Variants in PAPPA observed in about 807,000 individuals in gnomAD.
The protein encoded by PAPPA is pappalysin 1.
In PAPPA, 60 loss-of-function variants were observed where a neutral mutation model predicts 164.0. That is an observed-to-expected ratio of 0.37 (90% CI 0.30 to 0.45). The LOEUF is 0.45. Ranked by LOEUF, PAPPA falls within the 20% of genes least tolerant of loss-of-function variation. The pLI, the probability that PAPPA is intolerant of heterozygous loss-of-function variation, is 1.00. For synonymous variants in PAPPA, 875 were observed against 814.1 expected, an observed-to-expected ratio of 1.07 and a Z score of -1.27; for missense variants, 1,782 against 2,087.3, an observed-to-expected ratio of 0.85 and a Z score of 2.85.
chr9:116,165,392 G>A (rs1450044261), intron 1 of PAPPA, among the ~76,000 whole-genome samples: 1 of 152,114 alleles, frequency 6.6e-6, no homozygotes, highest in African/African-American at 2.4e-5. Context: ...CCTCATCTTG[G>A]TTGGTGTCAC....
intron 7 of PAPPA, among the ~76,000 whole-genome samples, chr9:116,250,169 A>G (rs1189953283): frequency 1.3e-5 from 2 of 152,110 alleles, no homozygotes; most frequent in Non-Finnish European, 2.9e-5. Context: ...AATCTTCCAT[A>G]GAACTAATAC....
intron 7 of PAPPA, among the ~76,000 whole-genome samples, chr9:116,241,095 G>A (rs1645042745): frequency 6.6e-6 from 1 of 152,116 alleles, no homozygotes; most frequent in Non-Finnish European, 1.5e-5. Flanking sequence ...ATTCTTGTGA[G>A]TCCAAATTTT....
At chr9:116,283,843 C>T (rs577549335) in intron 9 of PAPPA, among the ~76,000 whole-genome samples, 2 of 151,958 alleles carry the variant, frequency 1.3e-5, no homozygotes, top group Non-Finnish European at 1.5e-5. Context: ...CCATTTGTCC[C>T]GTGTGCATTT....
At chr9:116,212,733 G>T (rs577476556) in intron 4 of PAPPA, among the ~76,000 whole-genome samples, 1 of 152,128 alleles carries the variant, frequency 6.6e-6, no homozygotes, top group Non-Finnish European at 1.5e-5. Context: ...AAGAAGTAAA[G>T]AAAGAAAGGG....
chr9:116,203,414 A>G (rs1196487659), intron 2 of PAPPA, among the ~76,000 whole-genome samples: 5 of 152,158 alleles, frequency 3.3e-5, no homozygotes, highest in Non-Finnish European at 7.3e-5. Context: ...TGATACGGAG[A>G]TAATAAAGAT....
intron 18 of PAPPA, 48 bp downstream of exon 18, chr9:116,362,787 G>A: frequency 6.3e-7 from 1 of 1,577,802 alleles, no homozygotes; most frequent in Non-Finnish European, 8.6e-7. Flanking sequence ...ATTCCTTCCA[G>A]CAATGCAGGG....
chr9:116,193,294 G>T lies in PAPPA; in HGVS notation c.1478+5078G>T, dbSNP rs576391054. ...CCCTCTGCTGGCAGCTATAGCCCCCGTTAGCCTCTTCCCCTGCTCTAATCA... is the reference window on the plus strand; with the variant it reads ...CCCTCTGCTGGCAGCTATAGCCCCCTTTAGCCTCTTCCCCTGCTCTAATCA... On this transcript the variant is annotated intron_variant, in intron 2 of 21. Coordinates refer to ENST00000328252, the MANE Select transcript of PAPPA (RefSeq NM_002581.5). Among the ~76,000 whole-genome samples the T allele has an allele frequency of 8.5e-5, 13 of 152,154 alleles. No homozygotes were observed. In the East Asian group the frequency reaches 2.5e-3, roughly 29 times the overall value.
chr9:116,223,120 G>A (rs1246531456), intron 5 of PAPPA, among the ~76,000 whole-genome samples: 1 of 152,196 alleles, frequency 6.6e-6, no homozygotes, highest in Non-Finnish European at 1.5e-5. Context: ...CATCAGGGAA[G>A]GAAATGCACT....
intron 15 of PAPPA, among the ~76,000 whole-genome samples, chr9:116,349,127 C>G (rs565689921): frequency 1.3e-5 from 2 of 148,388 alleles, no homozygotes; most frequent in South Asian, 4.4e-4. Context: ...CCAAGTCTAC[C>G]CCCCTGCTCC....
At position 116,213,419 on chromosome 9, in the gene PAPPA, A is replaced by G. The variant is rs182343086; in HGVS notation, c.1918+1487A>G. Among the ~76,000 whole-genome samples, 7 of 152,244 alleles carry G rather than the reference A, an allele frequency of 4.6e-5. No individual in the cohort carries two copies. The East Asian group carries it at 1.4e-3, about 29-fold the overall frequency. On this transcript the variant is annotated intron_variant, in intron 4 of 21. Coordinates refer to ENST00000328252, the MANE Select transcript of PAPPA (RefSeq NM_002581.5). Reference sequence around the variant, plus strand: ...AAAGAGTCTTAGATTTGAGTGCTCAAAAAAGACCAGGGTGCTGGGTATTTC... The same window carrying G: ...AAAGAGTCTTAGATTTGAGTGCTCAGAAAAGACCAGGGTGCTGGGTATTTC...
intron 8 of PAPPA, among the ~76,000 whole-genome samples, chr9:116,267,737 C>T (rs934312126): frequency 7.3e-5 from 11 of 151,704 alleles, no homozygotes; most frequent in Middle Eastern, 3.4e-3. Context: ...TAGCCGGGCG[C>T]GGTGGCGGGC....
At chr9:116,279,296 G>A (rs906067141) in intron 9 of PAPPA, among the ~76,000 whole-genome samples, 2 of 152,116 alleles carry the variant, frequency 1.3e-5, no homozygotes, top group Non-Finnish European at 1.5e-5. Flanking sequence ...GCGATGGGGC[G>A]GAAGGCTGAC....
chr9:116,382,254 T>C, intron 20 of PAPPA, 141 bp from the exon 21 acceptor site: 1 of 641,262 alleles, frequency 1.6e-6, no homozygotes, highest in East Asian at 2.7e-5. Context: ...TTCAAGGGGG[T>C]GTTGGGGATG....
Position 116,334,957 on chromosome 9 carries a change from G to C in PAPPA, c.3494G>C (p.Ser1165Thr). The change falls in exon 13 of 22, where the codon AGC (serine) becomes ACC (threonine). Residue 1165 changes from serine (S) to threonine (T), a missense_variant. This residue lies in a region of PAPPA where 1,324 missense variants were observed against 1,656.9 expected (regional missense o/e 0.80). Coordinates refer to ENST00000328252, the MANE Select transcript of PAPPA (RefSeq NM_002581.5). ...TACCACAGCCAGGCGGTACGTGTGAGCTTCAGTTCGCCCCTGGTCGCCATC... is the reference window on the plus strand; with the variant it reads ...TACCACAGCCAGGCGGTACGTGTGACCTTCAGTTCGCCCCTGGTCGCCATC... Reference protein sequence around the residue: ...PFYHSQAVRVSFSSPLVAISG... With the variant: ...PFYHSQAVRVTFSSPLVAISG... 6.2e-7 allele frequency: 1 copy of C among 1,613,516 alleles called. No individual in the cohort carries two copies. Among genetic ancestry groups the C allele is most frequent in the Non-Finnish European group, 8.5e-7 (1 of 1,179,950 alleles).
At chr9:116,282,898 TA>T (rs1845284694) in intron 9 of PAPPA, among the ~76,000 whole-genome samples, 1 of 152,168 alleles carries the variant, frequency 6.6e-6, no homozygotes, top group Admixed American at 6.5e-5. Flanking sequence ...AGGAAGAAAC[TA>T]AAAACCACTG....
chr9:116,219,888 C>T (rs1358894161), intron 4 of PAPPA, 49 bp from the exon 5 acceptor site: 2 of 1,487,910 alleles, frequency 1.3e-6, no homozygotes, highest in Admixed American at 3.5e-5. Flanking sequence ...TCTCATATGC[C>T]TGCCTGCCTT....
chr9:116,291,137 G>A (rs927993141), intron 9 of PAPPA, among the ~76,000 whole-genome samples: 2 of 152,094 alleles, frequency 1.3e-5, no homozygotes, highest in Non-Finnish European at 2.9e-5. Context: ...ATCTTTTTAA[G>A]CCATTCAAAT....
rs1846418380 is a variant in PAPPA, at chr9:116,360,924, C to T, written c.4348-1668C>T. On this transcript the variant is annotated intron_variant, in intron 17 of 21. Coordinates refer to ENST00000328252, the MANE Select transcript of PAPPA (RefSeq NM_002581.5). Reference sequence around the variant, plus strand: ...AGAGACATTCAGGTAGTGCCCCATGCAGAATTGAGATGGCAGGAGAGCAGG... The same window carrying T: ...AGAGACATTCAGGTAGTGCCCCATGTAGAATTGAGATGGCAGGAGAGCAGG... Among the ~76,000 whole-genome samples, 5 of 152,136 alleles carry T rather than the reference C, an allele frequency of 3.3e-5. No homozygotes were observed. In the South Asian group the frequency reaches 1.0e-3, roughly 31 times the overall value.
At position 116,401,689 on chromosome 9, in the gene PAPPA, A is replaced by C. The variant is rs922955061; in HGVS notation, c.*5073A>C. The C allele has an allele frequency of 6.6e-6, 1 of 151,558 alleles. No individual in the cohort carries two copies. Among genetic ancestry groups the C allele is most frequent in the Non-Finnish European group, 1.5e-5 (1 of 67,828 alleles). 9.4% of individuals were successfully genotyped at this position (151,558 alleles called of 1,614,324 possible). On this transcript the variant is annotated 3_prime_UTR_variant, in exon 22 of 22. Coordinates refer to ENST00000328252, the MANE Select transcript of PAPPA (RefSeq NM_002581.5). Reference sequence around the variant, plus strand: ...ACAAACTGCTCTTCCATATTTATGTACCATATTATACCTTTTTATTATTGT... The same window carrying C: ...ACAAACTGCTCTTCCATATTTATGTCCCATATTATACCTTTTTATTATTGT...
Sources: allele counts gnomAD v4.1 joint callset (sites outside exome capture counted in the v4.1 genomes callset), GRCh38; gene constraint gnomAD v4.1.1; regional missense constraint gnomAD v4.1.1; transcripts MANE v1.5; gene names NCBI Gene and HGNC (gene_info 2026-07-23, HGNC 2026-07-21).